DMXL1: variants seen among roughly 807,000 people sequenced by gnomAD.
DMXL1 encodes the protein Dmx like 1, also known as dmX-like protein 1.
In DMXL1, 99 loss-of-function variants were observed where a neutral mutation model predicts 319.2. The ratio of observed to expected loss-of-function variants is 0.31; its 90% CI spans 0.26 to 0.37. The LOEUF (loss-of-function observed/expected upper bound fraction) is 0.37, where lower values mean the gene tolerates loss of function less well. DMXL1 is among the 10% of genes least tolerant of loss of function. The pLI is 1.00. For missense variants in DMXL1, 3,745 were observed against 3,595.6 expected (o/e 1.04, Z -1.06); for synonymous variants, 1,385 against 1,235.2 (o/e 1.12, Z -2.54).
chr5:119,202,909 ATATATT>A (rs1781079689), intron 32 of DMXL1, among the ~76,000 whole-genome samples: 1 of 134,696 alleles, frequency 7.4e-6, no homozygotes, highest in African/African-American at 2.7e-5. Context: ...ATATATATTT[ATATATT>A]TTTATATATA....
intron 39 of DMXL1, among the ~76,000 whole-genome samples, chr5:119,235,762 C>T (rs1561938825): frequency 1.3e-5 from 2 of 152,068 alleles, no homozygotes; most frequent in African/African-American, 4.8e-5. Flanking sequence ...CACTAAATGT[C>T]GTTGGCCTGT....
At chr5:119,190,034 A>G (rs1358782205) in intron 29 of DMXL1, 148 bp downstream of exon 29, 2 of 623,268 alleles carry the variant, frequency 3.2e-6, no homozygotes, top group Middle Eastern at 4.7e-4. Context: ...CCAAAAATAT[A>G]TACCCTAGAA....
chr5:119,237,448 T>G (rs1787963004), intron 40 of DMXL1, 34 bp downstream of exon 40: 1 of 1,343,580 alleles, frequency 7.4e-7, no homozygotes, highest in Non-Finnish European at 1.1e-6. Flanking sequence ...AAATAAAATT[T>G]GAATTTTCAT....
At chr5:119,198,065 T>C in intron 32 of DMXL1, 109 bp downstream of exon 32, 1 of 988,834 alleles carries the variant, frequency 1.0e-6, no homozygotes, top group Middle Eastern at 2.4e-4. Context: ...CTCAGCTCAC[T>C]GCAGCCTCTG....
intron 19 of DMXL1, among the ~76,000 whole-genome samples, chr5:119,163,604 T>C (rs1772733394): frequency 6.6e-6 from 1 of 152,086 alleles, no homozygotes; most frequent in Admixed American, 6.6e-5. Context: ...TTGTTTTGTT[T>C]TGAAGACGGA....
intron 41 of DMXL1, among the ~76,000 whole-genome samples, chr5:119,239,372 AG>A (rs1236611484): frequency 6.6e-6 from 1 of 152,126 alleles, no homozygotes; most frequent in Non-Finnish European, 1.5e-5. Flanking sequence ...TTTATCTGTA[AG>A]GCCACACTTT....
At chr5:119,114,818 A>G (rs2149881100) in intron 6 of DMXL1, among the ~76,000 whole-genome samples, 1 of 152,202 alleles carries the variant, frequency 6.6e-6, no homozygotes, top group East Asian at 1.9e-4. Flanking sequence ...ATAGCCCCAC[A>G]CCACTATGCC....
rs1580920899 is a variant in DMXL1 at position 119,133,475 on chromosome 5, C to G, written c.1570-19C>G. ...TTATATAATTTTATATGTTCTAACA[C>G]TTGCTTTCTTGATTCTAGGTGTCCT... On this transcript the variant is annotated intron_variant, in intron 11 of 43. Transcript: ENST00000539542. 1 of 1,591,206 alleles carries G rather than the reference C, an allele frequency of 6.3e-7. No individual in the cohort carries two copies. Among genetic ancestry groups the G allele is most frequent in the Admixed American group, 1.8e-5 (1 of 55,088 alleles).
chr5:119,178,515 C>A, intron 28 of DMXL1: 1 of 632,874 alleles, frequency 1.6e-6, no homozygotes, highest in Non-Finnish European at 2.0e-6. Flanking sequence ...TTTTGAAACA[C>A]ACTGTAATAT....
At chr5:119,090,115 G>A (rs1239170050) in intron 1 of DMXL1, among the ~76,000 whole-genome samples, 1 of 131,888 alleles carries the variant, frequency 7.6e-6, no homozygotes, top group Admixed American at 8.9e-5. Context: ...CTGCCTCCCG[G>A]GTTCAAGTGA....
At chr5:119,238,918 G>A (rs1411802679) in intron 40 of DMXL1, 71 bp from the exon 41 acceptor site, 16 of 1,575,512 alleles carry the variant, frequency 1.0e-5, no homozygotes, top group Admixed American at 3.6e-5. Flanking sequence ...ATCACTTTTC[G>A]AAGAATACAT....
At chr5:119,115,591 C>T (rs754907461) in intron 6 of DMXL1, among the ~76,000 whole-genome samples, 8 of 152,128 alleles carry the variant, frequency 5.3e-5, no homozygotes, top group Non-Finnish European at 8.8e-5. Flanking sequence ...CAGGTGGGAA[C>T]TCAGTTATAG....
At chr5:119,127,969 T>G (rs1459251625) in intron 9 of DMXL1, 2 of 389,190 alleles carry the variant, frequency 5.1e-6, no homozygotes, top group African/African-American at 4.2e-5. Flanking sequence ...GAAGGAGAAA[T>G]GAAGTATAAA....
chr5:119,108,683 G>T (rs1758889501), intron 4 of DMXL1, among the ~76,000 whole-genome samples: 1 of 152,180 alleles, frequency 6.6e-6, no homozygotes, highest in Non-Finnish European at 1.5e-5. Context: ...GCCTCCCAAA[G>T]TGGTGGGATT....
At chr5:119,184,514 CAT>C (rs1342172568) in intron 28 of DMXL1, among the ~76,000 whole-genome samples, 20 of 152,150 alleles carry the variant, frequency 1.3e-4, no homozygotes, top group Admixed American at 2.6e-4. Flanking sequence ...ACTAAAAACA[CAT>C]GATATAAAAT....
At position 119,196,461 on chromosome 5, in the gene DMXL1, T is replaced by A. The variant is rs766920259; in HGVS notation, c.7543+5T>A. Reference sequence around the variant, plus strand: ...TCGCAGGTCATGATCTTGCAGGTAATAAATAGCTCAACATGAGCTAATGGT... The same window carrying A: ...TCGCAGGTCATGATCTTGCAGGTAAAAAATAGCTCAACATGAGCTAATGGT... On this transcript the variant is annotated splice_donor_5th_base_variant and intron_variant, in intron 31 of 43. Transcript: ENST00000539542. 1 of 1,602,792 alleles carries A rather than the reference T, an allele frequency of 6.2e-7. No individual in the cohort carries two copies.
At chr5:119,232,598 G>A (rs1786973530) in intron 38 of DMXL1, among the ~76,000 whole-genome samples, 1 of 152,124 alleles carries the variant, frequency 6.6e-6, no homozygotes, top group Non-Finnish European at 1.5e-5. Context: ...TGGTCTCAGA[G>A]AGATTAAGTA....
rs111584852 is a variant in DMXL1, at chr5:119,114,323, C to T, written c.498-152C>T. 3 of 626,268 alleles carry T rather than the reference C, an allele frequency of 4.8e-6. No individual in the cohort carries two copies. In the African/African-American group the frequency reaches 5.7e-5, roughly 12 times the overall value. 38.8% of individuals were successfully genotyped at this position (626,268 alleles called of 1,614,324 possible). On this transcript the variant is annotated intron_variant, in intron 5 of 43. Coordinates refer to ENST00000539542, the MANE Select transcript of DMXL1 (RefSeq NM_001290321.3). Reference sequence around the variant, plus strand: ...TTATATTTAAAATTTATCTTACTAACTAGTTCATTTTTCAGGTACACAAAG... The same window carrying T: ...TTATATTTAAAATTTATCTTACTAATTAGTTCATTTTTCAGGTACACAAAG...
intron 4 of DMXL1, among the ~76,000 whole-genome samples, chr5:119,107,096 G>GT (rs1223050378): frequency 6.6e-6 from 1 of 152,184 alleles, no homozygotes; most frequent in African/African-American, 2.4e-5. Flanking sequence ...CAGCACTTTA[G>GT]GAGGCTGAGT....
Sources: allele counts gnomAD v4.1 joint callset (sites outside exome capture counted in the v4.1 genomes callset), GRCh38; gene constraint gnomAD v4.1.1; transcripts MANE v1.5; gene names NCBI Gene and HGNC (gene_info 2026-07-23, HGNC 2026-07-21).